VAC14: variants seen among roughly 807,000 people sequenced by gnomAD.
VAC14 encodes VAC14 component of PIKFYVE complex.
In VAC14, 47 loss-of-function variants were observed where a neutral mutation model predicts 85.3. The observed-to-expected ratio is 0.55, with a 90% CI of 0.44 to 0.70. The LOEUF is 0.70. Ranked by LOEUF, VAC14 falls within the 30% of genes least tolerant of loss-of-function variation. VAC14 has a pLI of 0.00. For synonymous variants in VAC14, 447 were observed against 430.5 expected (o/e 1.04, Z -0.47); for missense variants, 861 against 1,004.3 (o/e 0.86, Z 1.93).
At chr16:70,752,524 G>A (rs950782504) in intron 12 of VAC14, among the ~76,000 whole-genome samples, 2 of 152,236 alleles carry the variant, frequency 1.3e-5, no homozygotes, top group Admixed American at 6.5e-5. Context: ...GGCAGGGAAC[G>A]GGGTGGTGCC....
chr16:70,762,516 G>T lies in VAC14; in HGVS notation c.1371+24C>A. ...AGGCAGGGCAGCCGATGTTCCATAA[G>T]TACGGGTGGCGTTGGTGACCTACCT... On this transcript the variant is annotated intron_variant, in intron 12 of 18. Coordinates refer to ENST00000261776, the MANE Select transcript of VAC14 (RefSeq NM_018052.5). The surrounding 1 kb of genome is among the most constrained non-coding windows in gnomAD (Gnocchi z 4.1). 1 of 1,612,460 alleles carries T rather than the reference G, an allele frequency of 6.2e-7. No homozygotes were observed. Among genetic ancestry groups the T allele is most frequent in the Non-Finnish European group, 8.5e-7 (1 of 1,178,610 alleles).
At position 70,784,841 on chromosome 16, in the gene VAC14, G is replaced by C; in HGVS notation, c.424-3C>G. ...TTGGGGTCTGGGTCGGCTGCCAGCTGCAAGAGGCACAGACAGGGGAGGGAC... is the reference window on the plus strand; with the variant it reads ...TTGGGGTCTGGGTCGGCTGCCAGCTCCAAGAGGCACAGACAGGGGAGGGAC... On this transcript the variant is annotated splice_region_variant and splice_polypyrimidine_tract_variant and intron_variant, in intron 3 of 18. Transcript: ENST00000261776. 1.2e-6 allele frequency: 2 copies of C among 1,614,012 alleles called. No individual in the cohort carries two copies. The highest frequency in any genetic ancestry group is 1.7e-6 in the Non-Finnish European group (2 of 1,179,938).
intron 14 of VAC14, among the ~76,000 whole-genome samples, chr16:70,712,626 G>T (rs2054058905): frequency 6.6e-6 from 1 of 152,168 alleles, no homozygotes; most frequent in African/African-American, 2.4e-5. Context: ...TGCCAAACCA[G>T]CACCAGACCG....
At chr16:70,766,186 A>C (rs1029569194) in intron 10 of VAC14, among the ~76,000 whole-genome samples, 6 of 149,482 alleles carry the variant, frequency 4.0e-5, no homozygotes, top group Non-Finnish European at 8.9e-5. Flanking sequence ...AAACAAGGGG[A>C]GGCAGAGGAC....
intron 12 of VAC14, among the ~76,000 whole-genome samples, chr16:70,746,088 C>A (rs1193881643): frequency 2.0e-5 from 3 of 152,182 alleles, no homozygotes; most frequent in South Asian, 2.1e-4. Context: ...AAGGCCTACC[C>A]CCTCAAAAGC....
chr16:70,688,562 C>T (rs1202077925), intron 18 of VAC14: 4 of 985,736 alleles, frequency 4.1e-6, no homozygotes, highest in Non-Finnish European at 4.8e-6. Context: ...GGGCCCTCCA[C>T]TTGGCAGGAC....
At position 70,782,902 on chromosome 16, in the gene VAC14, C is replaced by T. The variant is rs192026686; in HGVS notation, c.811+131G>A. On this transcript the variant is annotated intron_variant, in intron 7 of 18. Transcript: ENST00000261776. ...ACCTCTCCCAGGGCCCACTGTCACA[C>T]TGGCTAATATTCCTACCAGGAATCT... 3,438 of 853,620 alleles carry T rather than the reference C, an allele frequency of 4.0e-3. 13 individuals are homozygous for T. The highest frequency in any genetic ancestry group is 4.5e-3 in the Non-Finnish European group (2,429 of 537,254). The allele number at this position is 853,620 out of a possible 1,614,324, so 52.9% of individuals were successfully genotyped here.
chr16:70,741,876 G>A (rs2030348156), intron 13 of VAC14, among the ~76,000 whole-genome samples: 1 of 152,204 alleles, frequency 6.6e-6, no homozygotes, highest in African/African-American at 2.4e-5. Context: ...CTGCCATATA[G>A]TGCCCCTGGC....
intron 12 of VAC14, among the ~76,000 whole-genome samples, chr16:70,750,950 T>C (rs1247308810): frequency 6.6e-6 from 1 of 151,986 alleles, no homozygotes; most frequent in East Asian, 1.9e-4. Context: ...GGGAGGCTCG[T>C]TCTCACCTCC....
At chr16:70,704,606 C>A (rs569997391) in intron 14 of VAC14, among the ~76,000 whole-genome samples, 3 of 152,298 alleles carry the variant, frequency 2.0e-5, no homozygotes, top group East Asian at 3.9e-4. Flanking sequence ...TTCCTGCAGG[C>A]CTGGAGCAGG....
chr16:70,731,820 A>C (rs1314805904), intron 13 of VAC14, among the ~76,000 whole-genome samples, 193 bp from the exon 14 acceptor site: 3 of 152,168 alleles, frequency 2.0e-5, no homozygotes, highest in African/African-American at 7.2e-5. Context: ...AAGCAAATAC[A>C]ACTTGGCTTA....
At chr16:70,690,104 C>T (rs915093029) in intron 18 of VAC14, 2 of 985,540 alleles carry the variant, frequency 2.0e-6, no homozygotes, top group Admixed American at 1.2e-4. Context: ...GGATGGCAAA[C>T]CCGGGAAGAT....
intron 1 of VAC14, among the ~76,000 whole-genome samples, chr16:70,788,786 CT>C (rs1211677484): frequency 1.3e-5 from 2 of 152,194 alleles, no homozygotes; most frequent in African/African-American, 4.8e-5. Context: ...CTTTTTCTGC[CT>C]TTTGCTGGCC....
At chr16:70,783,611 C>A in intron 5 of VAC14, 57 bp from the exon 6 acceptor site, 1 of 1,560,112 alleles carries the variant, frequency 6.4e-7, no homozygotes, top group South Asian at 1.1e-5. Flanking sequence ...GTTTCCTGCT[C>A]ACCAAGCCTC....
chr16:70,736,348 C>T (rs781620118), intron 13 of VAC14, among the ~76,000 whole-genome samples: 3 of 152,140 alleles, frequency 2.0e-5, no homozygotes, highest in Non-Finnish European at 2.9e-5. Context: ...CAGGGCAGAC[C>T]GTTCTCATTC....
intron 12 of VAC14, among the ~76,000 whole-genome samples, chr16:70,759,408 C>A (rs2032133345): frequency 6.6e-6 from 1 of 152,168 alleles, no homozygotes. Flanking sequence ...AGGCAGATCA[C>A]TTGAGGTCAG....
chr16:70,744,776 A>AAC, intron 12 of VAC14, 197 bp from the exon 13 acceptor site: 1 of 572,582 alleles, frequency 1.7e-6, no homozygotes, highest in Non-Finnish European at 2.9e-6. Context: ...GAATGAAGGG[A>AAC]ACACAGACTA....
chr16:70,734,449 A>T (rs895485226), intron 13 of VAC14, among the ~76,000 whole-genome samples: 14 of 152,262 alleles, frequency 9.2e-5, no homozygotes, highest in African/African-American at 3.4e-4. Flanking sequence ...TATTAAAAAA[A>T]TTTTTTTGAA....
chr16:70,711,399 T>G (rs574302490), intron 14 of VAC14, among the ~76,000 whole-genome samples: 4 of 152,130 alleles, frequency 2.6e-5, no homozygotes, highest in Non-Finnish European at 5.9e-5. Flanking sequence ...GCCCTGACAC[T>G]TGCCTTCTTG....
Sources: gnomAD v4.1 joint callset for allele counts (sites outside exome capture counted in the v4.1 genomes callset) on GRCh38, gnomAD v4.1.1 for gene constraint, Gnocchi (gnomAD v3.1) non-coding constraint, MANE v1.5 for transcripts, NCBI Gene and HGNC (gene_info 2026-07-23, HGNC 2026-07-21) for gene names.